Variants in GPC5 observed in about 807,000 individuals in gnomAD.
The protein encoded by GPC5 is glypican 5.
A neutral mutation model predicts 53.9 loss-of-function variants in GPC5; 47 were observed. That is an observed-to-expected ratio of 0.87 (90% confidence interval 0.69 to 1.11). The LOEUF is 1.11. Among genes scored for constraint, GPC5 ranks in the 50% most tolerant of loss-of-function variants. The pLI, the probability that GPC5 is intolerant of heterozygous loss-of-function variation, is 0.00. For missense variants in GPC5, 748 were observed against 713.1 expected, an observed-to-expected ratio of 1.05 and a Z score of -0.56; for synonymous variants, 286 against 263.3, an observed-to-expected ratio of 1.09 and a Z score of -0.84.
intron 1 of GPC5, among the ~76,000 whole-genome samples, chr13:91,435,454 T>C (rs1202013116): frequency 6.6e-6 from 1 of 152,222 alleles, no homozygotes; most frequent in Non-Finnish European, 1.5e-5. Context: ...CATATGGTTT[T>C]TGTCGTTGGT....
At chr13:92,489,794 A>C (rs1879690525) in intron 7 of GPC5, among the ~76,000 whole-genome samples, 2 of 152,084 alleles carry the variant, frequency 1.3e-5, no homozygotes, top group Non-Finnish European at 2.9e-5. Context: ...GCTGGGACTA[A>C]GGCTTGATTC....
At chr13:92,236,208 T>C (rs957255507) in intron 7 of GPC5, among the ~76,000 whole-genome samples, 1 of 152,144 alleles carries the variant, frequency 6.6e-6, no homozygotes, top group Non-Finnish European at 1.5e-5. Context: ...GTCTGTGTAC[T>C]ATTGTTTTAA....
chr13:91,549,661 C>T (rs2030508730), intron 2 of GPC5, among the ~76,000 whole-genome samples: 1 of 152,092 alleles, frequency 6.6e-6, no homozygotes, highest in Admixed American at 6.6e-5. Context: ...TGAAAAGTTG[C>T]TCAACATCAT....
intron 7 of GPC5, among the ~76,000 whole-genome samples, chr13:92,473,993 A>G (rs528513278): frequency 3.3e-5 from 5 of 152,290 alleles, no homozygotes; most frequent in Admixed American, 3.3e-4. Flanking sequence ...GACAAAAGGC[A>G]GAGCTGAGAT....
chr13:92,390,669 G>A (rs760828823), intron 7 of GPC5, among the ~76,000 whole-genome samples: 6 of 152,024 alleles, frequency 3.9e-5, no homozygotes, highest in Non-Finnish European at 8.8e-5. Context: ...TGTATTTATC[G>A]TATGTTTCTC....
chr13:92,134,367 C>A (rs1468824283), intron 6 of GPC5, among the ~76,000 whole-genome samples: 1 of 151,988 alleles, frequency 6.6e-6, no homozygotes, highest in Non-Finnish European at 1.5e-5. Flanking sequence ...GCAATCCAGG[C>A]CACGAAGAAC....
At chr13:91,709,077 C>T (rs766358859) in intron 3 of GPC5, among the ~76,000 whole-genome samples, 2 of 152,204 alleles carry the variant, frequency 1.3e-5, no homozygotes, top group South Asian at 2.1e-4. Context: ...AACATTCATT[C>T]GAATATTCAA....
At chr13:92,593,608 G>A (rs777954912) in intron 7 of GPC5, among the ~76,000 whole-genome samples, 3 of 148,988 alleles carry the variant, frequency 2.0e-5, no homozygotes, top group African/African-American at 7.3e-5. Context: ...CAGAAAGTAC[G>A]TTTAGAATGG....
chr13:92,355,136 G>A (rs1274112845), intron 7 of GPC5, among the ~76,000 whole-genome samples: 1 of 151,410 alleles, frequency 6.6e-6, no homozygotes, highest in Non-Finnish European at 1.5e-5. Context: ...TGTATACATA[G>A]ATGTATATAT....
chr13:92,172,066 T>C (rs950978801), intron 7 of GPC5, among the ~76,000 whole-genome samples: 3 of 152,226 alleles, frequency 2.0e-5, no homozygotes, highest in Admixed American at 1.3e-4. Flanking sequence ...TATTTCTAGT[T>C]AAAATGTAGT....
intron 7 of GPC5, among the ~76,000 whole-genome samples, chr13:92,145,979 A>C (rs975231794): frequency 6.6e-6 from 1 of 152,174 alleles, no homozygotes; most frequent in Non-Finnish European, 1.5e-5. Flanking sequence ...TCCTTCTAAG[A>C]TCTGGTTTTA....
chr13:92,620,813 CA>C (rs1462406552), intron 7 of GPC5, among the ~76,000 whole-genome samples: 2 of 152,128 alleles, frequency 1.3e-5, no homozygotes, highest in Non-Finnish European at 2.9e-5. Flanking sequence ...GAGGAAATTA[CA>C]AGAAGGCTTT....
At chr13:92,583,266 CTGTTAA>C (rs1883428798) in intron 7 of GPC5, among the ~76,000 whole-genome samples, 1 of 152,100 alleles carries the variant, frequency 6.6e-6, no homozygotes, top group East Asian at 1.9e-4. Flanking sequence ...GTCCTTCATT[CTGTTAA>C]TGTAATAAAT....
At chr13:92,507,464 C>A (rs538545290) in intron 7 of GPC5, among the ~76,000 whole-genome samples, 2 of 152,060 alleles carry the variant, frequency 1.3e-5, no homozygotes, top group South Asian at 4.1e-4. Context: ...TTTTTTCATT[C>A]TGCAGTAGGT....
intron 2 of GPC5, among the ~76,000 whole-genome samples, chr13:91,534,613 G>A (rs936686646): frequency 1.3e-5 from 2 of 152,208 alleles, no homozygotes; most frequent in Non-Finnish European, 2.9e-5. Flanking sequence ...GAGAATGATT[G>A]AGGGTATTTA....
chr13:91,850,487 C>G (rs559886118), intron 5 of GPC5, among the ~76,000 whole-genome samples: 2 of 152,244 alleles, frequency 1.3e-5, no homozygotes, highest in East Asian at 3.9e-4. Context: ...TCTGCAACAC[C>G]TATATGTAAT....
At chr13:92,000,904 T>C (rs1336320057) in intron 6 of GPC5, among the ~76,000 whole-genome samples, 1 of 152,204 alleles carries the variant, frequency 6.6e-6, no homozygotes, top group East Asian at 1.9e-4. Context: ...CCAAATCCTA[T>C]TCAGGCCACT....
At chr13:92,493,040 T>C (rs917217922) in intron 7 of GPC5, among the ~76,000 whole-genome samples, 2 of 152,230 alleles carry the variant, frequency 1.3e-5, no homozygotes, top group Non-Finnish European at 2.9e-5. Flanking sequence ...GAATTCACAC[T>C]GATAGGGCTC....
intron 7 of GPC5, among the ~76,000 whole-genome samples, chr13:92,683,226 G>A (rs1247890076): frequency 6.6e-6 from 1 of 152,116 alleles, no homozygotes; most frequent in East Asian, 1.9e-4. Flanking sequence ...AGAAAAAAAA[G>A]GAAAGAGAGA....
Sources: gnomAD v4.1 joint callset for allele counts (sites outside exome capture counted in the v4.1 genomes callset) on GRCh38, gnomAD v4.1.1 for gene constraint, MANE v1.5 for transcripts, NCBI Gene and HGNC (gene_info 2026-07-23, HGNC 2026-07-21) for gene names.